Variants in ALOX5 observed in about 807,000 individuals in gnomAD.
ALOX5 encodes polyunsaturated fatty acid 5-lipoxygenase.
Under a neutral mutation model 87.9 loss-of-function variants are expected in ALOX5, and 64 were observed. The ratio of observed to expected loss-of-function variants is 0.73; its 90% CI spans 0.60 to 0.90. The LOEUF (loss-of-function observed/expected upper bound fraction) is 0.90, where lower values mean the gene tolerates loss of function less well. Among genes scored for constraint, ALOX5 ranks in the 40% least tolerant of loss-of-function variants. The pLI is 0.00. For missense variants in ALOX5, 822 were observed against 907.5 expected (o/e 0.91, Z 1.21); for synonymous variants, 388 against 355.1 (o/e 1.09, Z -1.04).
At chr10:45,427,573 G>T (rs1326516432) in intron 6 of ALOX5, among the ~76,000 whole-genome samples, 1 of 152,232 alleles carries the variant, frequency 6.6e-6, no homozygotes, top group African/African-American at 2.4e-5. Context: ...CGCGGGCGCG[G>T]TCGGTGGAGC....
At chr10:45,433,188 A>G (rs1274206083) in intron 7 of ALOX5, among the ~76,000 whole-genome samples, 1 of 152,234 alleles carries the variant, frequency 6.6e-6, no homozygotes, top group African/African-American at 2.4e-5. Flanking sequence ...TGCTCTGCTC[A>G]TGAGTTGTTG....
At chr10:45,428,532 G>T in intron 6 of ALOX5, 86 bp from the exon 7 acceptor site, 1 of 1,536,470 alleles carries the variant, frequency 6.5e-7, no homozygotes, top group East Asian at 2.3e-5. Flanking sequence ...GGAGAGGGGT[G>T]CCCAGAGGTC....
rs989648677 is a variant in ALOX5 at position 45,384,883 on chromosome 10, C to T, written c.349+2202C>T. ...TTTGGGACAGAGTCTCACTCTATTGCCCAAGCTGGAGGGCAGTGGCACGAT... is the reference window on the plus strand; with the variant it reads ...TTTGGGACAGAGTCTCACTCTATTGTCCAAGCTGGAGGGCAGTGGCACGAT... On this transcript the variant is annotated intron_variant, in intron 2 of 13. Transcript: ENST00000374391. Among the ~76,000 whole-genome samples, 9 of 151,480 alleles carry T rather than the reference C, an allele frequency of 5.9e-5. No homozygotes were observed. The South Asian group carries it at 8.3e-4, about 14-fold the overall frequency.
intron 7 of ALOX5, among the ~76,000 whole-genome samples, chr10:45,434,267 G>C (rs887685898): frequency 1.3e-5 from 2 of 152,214 alleles, no homozygotes; most frequent in Non-Finnish European, 2.9e-5. Flanking sequence ...GAGTGAAACT[G>C]TCTGAGGAAC....
chr10:45,405,739 CT>C (rs11463810), intron 3 of ALOX5, among the ~76,000 whole-genome samples: 61,046 of 139,064 alleles, frequency 0.44, 12,907 homozygotes, highest in East Asian at 0.54. Flanking sequence ...ATTCATCTAC[CT>C]TTTTTTTTTT....
chr10:45,376,300 A>G (rs917107032), intron 1 of ALOX5, among the ~76,000 whole-genome samples: 2 of 110,286 alleles, frequency 1.8e-5, no homozygotes, highest in Admixed American at 1.4e-4. Flanking sequence ...TCACATTTCC[A>G]TTGGGTTGAG....
At chr10:45,410,599 G>T (rs926988028) in intron 3 of ALOX5, among the ~76,000 whole-genome samples, 9 of 152,156 alleles carry the variant, frequency 5.9e-5, no homozygotes, top group African/African-American at 2.2e-4. Context: ...CAAAGCACAA[G>T]ATCATATTAA....
At chr10:45,424,212 C>T in intron 5 of ALOX5, 65 bp downstream of exon 5, 2 of 1,399,718 alleles carry the variant, frequency 1.4e-6, no homozygotes, top group Non-Finnish European at 1.0e-6. Context: ...CTGTCTGATA[C>T]TTGCCGGGAA....
At position 45,445,673 on chromosome 10, in the gene ALOX5, A is replaced by C; in HGVS notation, c.2011A>C (p.Ser671Arg). Residue 671 changes from serine to arginine, a missense_variant, in exon 14 of 14, where the codon AGT (serine) becomes CGT (arginine). Transcript: ENST00000374391. ...CTTGTCCCCAGACCGGATTCCGAAC[A>C]GTGTGGCCATCTGAGCACACTGCCA... ...YYLSPDRIPN[S>R]VAI 1 of 1,613,214 alleles carries C rather than the reference A, an allele frequency of 6.2e-7. No individual in the cohort carries two copies. The highest frequency in any genetic ancestry group is 8.5e-7 in the Non-Finnish European group (1 of 1,179,392).
intron 2 of ALOX5, among the ~76,000 whole-genome samples, chr10:45,395,218 A>G (rs1840452131): frequency 1.3e-5 from 2 of 152,252 alleles, no homozygotes; most frequent in Non-Finnish European, 2.9e-5. Flanking sequence ...AATGTCCATC[A>G]ATGATAGACT....
At chr10:45,424,900 C>T in intron 5 of ALOX5, 60 bp from the exon 6 acceptor site, 2 of 1,593,488 alleles carry the variant, frequency 1.3e-6, no homozygotes, top group African/African-American at 1.3e-5. Flanking sequence ...GTCAGGAGGG[C>T]CATGGCCCTG....
chr10:45,387,207 C>T (rs1027719471), intron 2 of ALOX5, among the ~76,000 whole-genome samples: 34 of 152,178 alleles, frequency 2.2e-4, no homozygotes, highest in African/African-American at 8.0e-4. Context: ...CAAGTCCAAG[C>T]ACATGTGTCT....
At chr10:45,380,400 G>A (rs938690122) in intron 1 of ALOX5, among the ~76,000 whole-genome samples, 2 of 152,224 alleles carry the variant, frequency 1.3e-5, no homozygotes, top group Admixed American at 6.5e-5. Flanking sequence ...TGGCCTCAGC[G>A]TCAGCCACCC....
At chr10:45,416,258 A>T (rs1409127229) in intron 4 of ALOX5, among the ~76,000 whole-genome samples, 1 of 152,198 alleles carries the variant, frequency 6.6e-6, no homozygotes, top group Non-Finnish European at 1.5e-5. Flanking sequence ...AAGGTCAAGG[A>T]GTTTGCCTAA....
chr10:45,434,288 G>A (rs898987172), intron 7 of ALOX5, among the ~76,000 whole-genome samples: 1 of 152,180 alleles, frequency 6.6e-6, no homozygotes, highest in African/African-American at 2.4e-5. Flanking sequence ...AGTAGGGCAG[G>A]CACTGTCTAC....
intron 1 of ALOX5, among the ~76,000 whole-genome samples, chr10:45,376,251 C>G (rs2132662062): frequency 6.6e-6 from 1 of 150,522 alleles, no homozygotes; most frequent in South Asian, 2.1e-4. Flanking sequence ...AACACCTCAG[C>G]CGGAATCCCA....
intron 3 of ALOX5, among the ~76,000 whole-genome samples, chr10:45,404,574 G>A (rs1840812142): frequency 6.6e-6 from 1 of 152,216 alleles, no homozygotes; most frequent in African/African-American, 2.4e-5. Context: ...TCATCACTAA[G>A]TATTGAAGAG....
At chr10:45,432,621 C>T (rs944485540) in intron 7 of ALOX5, among the ~76,000 whole-genome samples, 3 of 152,152 alleles carry the variant, frequency 2.0e-5, no homozygotes, top group African/African-American at 7.2e-5. Context: ...TTGGACTGCT[C>T]TGTCATGCCA....
chr10:45,375,909 C>G (rs953555368), intron 1 of ALOX5, among the ~76,000 whole-genome samples: 20 of 152,258 alleles, frequency 1.3e-4, no homozygotes, highest in African/African-American at 4.6e-4. Context: ...CACCCTCTGC[C>G]ATTTCTGACG....
Sources: gnomAD v4.1 joint callset for allele counts (sites outside exome capture counted in the v4.1 genomes callset) on GRCh38, gnomAD v4.1.1 for gene constraint, MANE v1.5 for transcripts, NCBI Gene and HGNC (gene_info 2026-07-23, HGNC 2026-07-21) for gene names.